The following UBE3B variants were observed in gnomAD, a reference collection of about 807,000 sequenced individuals.
The protein encoded by UBE3B is ubiquitin-protein ligase E3B.
A neutral mutation model predicts 132.3 loss-of-function variants in UBE3B; 80 were observed. That is an observed-to-expected ratio of 0.60 (90% CI 0.50 to 0.73). UBE3B has a LOEUF of 0.73. Among genes scored for constraint, UBE3B ranks in the 30% least tolerant of loss-of-function variants. The pLI, the probability that UBE3B is intolerant of heterozygous loss-of-function variation, is 0.00. For missense variants in UBE3B, 1,196 were observed against 1,362.5 expected (o/e 0.88, Z 1.92); for synonymous variants, 487 against 520.4 (o/e 0.94, Z 0.87).
chr12:109,511,160 T>A (rs949793635), intron 17 of UBE3B, 44 bp from the exon 18 acceptor site: 1 of 1,583,260 alleles, frequency 6.3e-7, no homozygotes, highest in Non-Finnish European at 8.7e-7. Context: ...TAGAGGATGG[T>A]TTCCTTCTTT....
At chr12:109,508,566 G>A (rs767212645) in intron 15 of UBE3B, 3 of 985,342 alleles carry the variant, frequency 3.0e-6, no homozygotes, top group Non-Finnish European at 3.6e-6. Context: ...TGGACCTCAG[G>A]CAGTTATGTT....
intron 18 of UBE3B, among the ~76,000 whole-genome samples, chr12:109,511,767 A>G (rs1490465883): frequency 6.6e-5 from 10 of 152,170 alleles, no homozygotes; most frequent in Admixed American, 5.9e-4. Context: ...CTGCAAAGCC[A>G]CCGGAGGGCT....
In UBE3B at chr12:109,483,582, T is replaced by C. The variant is rs779284561; in HGVS notation, c.31T>C (p.Trp11Arg). The change falls in exon 3 of 28, where the codon TGG (tryptophan) becomes CGG (arginine). Residue 11 changes from tryptophan to arginine, a missense_variant. Coordinates refer to ENST00000342494, the MANE Select transcript of UBE3B (RefSeq NM_130466.4). Reference protein sequence around the residue: MFTLSQTSRAWFIDRARQARE... With the variant: MFTLSQTSRARFIDRARQARE... ...CACCCTGTCTCAGACCTCGAGAGCA[T>C]GGTTCATCGATAGAGCCCGTCAGGC... 1 of 1,601,884 alleles carries C rather than the reference T, an allele frequency of 6.2e-7. No homozygotes were observed. The highest frequency in any genetic ancestry group is 1.8e-5 in the Admixed American group (1 of 56,166).
intron 6 of UBE3B, among the ~76,000 whole-genome samples, chr12:109,487,315 T>C (rs978691720): frequency 1.3e-5 from 2 of 152,172 alleles, no homozygotes; most frequent in African/African-American, 4.8e-5. Flanking sequence ...TGAGCAGACA[T>C]ACACAGGAGC....
At position 109,483,924 on chromosome 12, in the gene UBE3B, T is replaced by C. The variant is rs1290597270; in HGVS notation, c.225T>C (p.Cys75=). The change falls in exon 4 of 28, where the codon TGT becomes TGC. Residue 75 remains cysteine (C), a synonymous_variant. Transcript: ENST00000342494. ...DPESTKRSAL[C]IFKIARKLLF... Reference sequence around the variant, plus strand: ...AGTCCACTAAAAGAAGTGCACTTTGTATTTTCAAGATTGCCAGGAAACTGC... The same window carrying C: ...AGTCCACTAAAAGAAGTGCACTTTGCATTTTCAAGATTGCCAGGAAACTGC... 6.2e-7 allele frequency: 1 copy of C among 1,614,030 alleles called. No homozygotes were observed. Among genetic ancestry groups the C allele is most frequent in the Non-Finnish European group, 8.5e-7 (1 of 1,180,000 alleles).
chr12:109,545,311 A>C, the UBE3B span, among the ~76,000 whole-genome samples: 3,930 of 152,336 alleles, frequency 0.026, 150 homozygotes, highest in African/African-American at 0.088. Context: ...CTCAGCCAAC[A>C]AACAGACCCA....
intron 1 of UBE3B, among the ~76,000 whole-genome samples, chr12:109,478,385 A>C (rs1183369613): frequency 1.3e-5 from 2 of 152,222 alleles, no homozygotes; most frequent in Non-Finnish European, 2.9e-5. Flanking sequence ...ATGGATTCAG[A>C]TTCAAAAGCA....
intron 13 of UBE3B, among the ~76,000 whole-genome samples, chr12:109,502,721 T>TA (rs1235303768): frequency 6.6e-6 from 1 of 152,244 alleles, no homozygotes; most frequent in Non-Finnish European, 1.5e-5. Context: ...TCTGAATTTT[T>TA]ACCATTGTGG....
In UBE3B at chr12:109,499,742, T is replaced by A. The variant is rs1013805816; in HGVS notation, c.1050T>A (p.Ser350=). ...QTLCYCRKYV[S]QKKSNLTHWH... ...TGTGCTACTGTCGGAAGTATGTGTC[T>A]CAGAAGAAGTCCAACCTGACCCACT... is the stretch of plus-strand genomic sequence containing the variant. Residue 350 remains serine (S), a synonymous_variant, in exon 12 of 28, where the codon TCT becomes TCA. Coordinates refer to ENST00000342494, the MANE Select transcript of UBE3B (RefSeq NM_130466.4). The A allele has an allele frequency of 6.2e-7, 1 of 1,612,940 alleles. No individual in the cohort carries two copies. Among genetic ancestry groups the A allele is most frequent in the Admixed American group, 1.7e-5 (1 of 59,930 alleles).
At position 109,497,916 on chromosome 12, in the gene UBE3B, C is replaced by T. The variant is rs1279834329; in HGVS notation, c.812C>T (p.Thr271Ile). 3 of 1,614,132 alleles carry T rather than the reference C, an allele frequency of 1.9e-6. No individual in the cohort carries two copies. The Admixed American group carries it at 5.0e-5, about 27-fold the overall frequency. ...PALVTHLSTV[T>I]PERLTVLESH... ...CTGGTGACTCATCTCAGCACAGTGA[C>T]CCCTGAGGTAAGCAGGCTCTGTGAG... The change falls in exon 10 of 28, where the codon ACC becomes ATC. Residue 271 changes from threonine to isoleucine, a missense_variant. Thr to Ile is a moderately conservative substitution (Grantham distance 89). Coordinates refer to ENST00000342494, the MANE Select transcript of UBE3B (RefSeq NM_130466.4).
intron 19 of UBE3B, among the ~76,000 whole-genome samples, chr12:109,518,569 C>T (rs1273724618): frequency 6.6e-6 from 1 of 152,206 alleles, no homozygotes; most frequent in Non-Finnish European, 1.5e-5. Context: ...TCTCCCTTGT[C>T]TCTAGAAATC....
At chr12:109,482,175 T>G (rs1316115973) in intron 2 of UBE3B, among the ~76,000 whole-genome samples, 1 of 152,190 alleles carries the variant, frequency 6.6e-6, no homozygotes, top group African/African-American at 2.4e-5. Context: ...CAATGTTTAT[T>G]TTAATAATTT....
At chr12:109,516,616 C>G (rs553672456) in intron 18 of UBE3B, 149 bp from the exon 19 acceptor site, 196 of 1,261,832 alleles carry the variant, frequency 1.6e-4, no homozygotes, top group Non-Finnish European at 2.0e-4. Context: ...TCTGTTCTCA[C>G]AGGACACTTC....
chr12:109,522,714 C>G lies in UBE3B; in HGVS notation c.2364+1163C>G, dbSNP rs1294628472. ...CTGGAAACAGTCTATGTGCACCGGC[C>G]TCAGTCCCTGGCCATGATGGAATCA... On this transcript the variant is annotated intron_variant, in intron 21 of 27. Transcript: ENST00000342494. The surrounding 1 kb of genome is among the most constrained non-coding windows in gnomAD (Gnocchi z 4.2). Among the ~76,000 whole-genome samples, 1 of 152,204 alleles carries G rather than the reference C, an allele frequency of 6.6e-6. No homozygotes were observed. The highest frequency in any genetic ancestry group is 6.5e-5 in the Admixed American group (1 of 15,288).
Position 109,526,403 on chromosome 12 carries a change from A to G in UBE3B, c.2614A>G (p.Thr872Ala), listed in dbSNP as rs1882337766. 2.5e-6 allele frequency: 4 copies of G among 1,614,028 alleles called. No individual in the cohort carries two copies. In the South Asian group the frequency reaches 4.4e-5, roughly 18 times the overall value. Reference sequence around the variant, plus strand: ...TCCTGGAGGGAAGACCATTCCTGTTACAAATGAAAATAAGTGAGTATAGCA... The same window carrying G: ...TCCTGGAGGGAAGACCATTCCTGTTGCAAATGAAAATAAGTGAGTATAGCA... The part of the protein sequence containing the change: ...LIPGGKTIPV[T>A]NENKISYIHL... The change falls in exon 24 of 28, where the codon ACA becomes GCA. Residue 872 changes from threonine (T) to alanine (A), a missense_variant. By Grantham distance (58) the Thr-to-Ala change is moderately conservative. Coordinates refer to ENST00000342494, the MANE Select transcript of UBE3B (RefSeq NM_130466.4).
At chr12:109,495,581 G>A (rs537280536) in intron 9 of UBE3B, among the ~76,000 whole-genome samples, 1 of 152,262 alleles carries the variant, frequency 6.6e-6, no homozygotes, top group African/African-American at 2.4e-5. Context: ...GAAATCAGGG[G>A]TCTCACAGCC....
chr12:109,527,588 G>A (rs1882489463), intron 24 of UBE3B, among the ~76,000 whole-genome samples: 1 of 152,306 alleles, frequency 6.6e-6, no homozygotes, highest in African/African-American at 2.4e-5. Context: ...TGTCAGAAAC[G>A]TCAGGAGAAC....
intron 8 of UBE3B, chr12:109,490,494 G>A: frequency 6.5e-7 from 1 of 1,535,952 alleles, no homozygotes. Context: ...CCCTAGTGCT[G>A]TGATGGGCTG....
At chr12:109,532,317 C>T (rs928141526) in intron 26 of UBE3B, among the ~76,000 whole-genome samples, 2 of 152,196 alleles carry the variant, frequency 1.3e-5, no homozygotes, top group African/African-American at 4.8e-5. Context: ...AAAAATGCTT[C>T]CTGCATTGAT....
Sources: allele counts gnomAD v4.1 joint callset (sites outside exome capture counted in the v4.1 genomes callset), GRCh38; gene constraint gnomAD v4.1.1; non-coding constraint Gnocchi (gnomAD v3.1); transcripts MANE v1.5; gene names NCBI Gene and HGNC (gene_info 2026-07-23, HGNC 2026-07-21).